Variants in PCDH15 observed in about 807,000 individuals in gnomAD.
PCDH15 encodes the protein protocadherin related 15, also known as protocadherin-15.
In PCDH15, 129 loss-of-function variants were observed where a neutral mutation model predicts 178.5. The observed-to-expected ratio is 0.72, with a 90% CI of 0.63 to 0.84. The LOEUF (loss-of-function observed/expected upper bound fraction) is 0.84. PCDH15 is among the 40% of genes least tolerant of loss of function. The probability of loss-of-function intolerance (pLI) is 0.00; values close to 1 mark genes in which losing one functional copy is unlikely to be tolerated. For missense variants in PCDH15, 2,230 were observed against 2,099.9 expected (o/e 1.06, Z -1.21); for synonymous variants, 800 against 732.0 (o/e 1.09, Z -1.50).
chr10:54,372,055 T>TA (rs1947755381), intron 4 of PCDH15, among the ~76,000 whole-genome samples: 1 of 151,892 alleles, frequency 6.6e-6, no homozygotes, highest in Non-Finnish European at 1.5e-5. Context: ...AAGTGTGTAA[T>TA]AGACCTTTTA....
At chr10:54,333,605 T>G (rs1588880555) in intron 6 of PCDH15, among the ~76,000 whole-genome samples, 1 of 150,038 alleles carries the variant, frequency 6.7e-6, no homozygotes, top group Non-Finnish European at 1.5e-5. Context: ...AAAAAGTAGA[T>G]TTTTTAATAA....
intron 25 of PCDH15, among the ~76,000 whole-genome samples, chr10:53,912,194 A>C (rs1417182249): frequency 6.6e-6 from 1 of 152,150 alleles, no homozygotes; most frequent in Non-Finnish European, 1.5e-5. Context: ...AACAACAAAA[A>C]CCACATGATT....
intron 2 of PCDH15, among the ~76,000 whole-genome samples, chr10:54,615,072 A>G (rs1159621052): frequency 6.6e-6 from 1 of 152,054 alleles, no homozygotes; most frequent in African/African-American, 2.4e-5. Context: ...CTAAATGTTC[A>G]TCATACTTTC....
chr10:55,231,268 G>T (rs1053826064), intron 1 of PCDH15, among the ~76,000 whole-genome samples: 1 of 151,934 alleles, frequency 6.6e-6, no homozygotes, highest in African/African-American at 2.4e-5. Flanking sequence ...AAATTGCTAA[G>T]AAATCTGGAG....
At chr10:54,938,865 T>A (rs1271086926) in intron 2 of PCDH15, among the ~76,000 whole-genome samples, 1 of 152,130 alleles carries the variant, frequency 6.6e-6, no homozygotes, top group African/African-American at 2.4e-5. Flanking sequence ...AAACGTAAAG[T>A]TTCTGGCTTT....
At chr10:54,386,268 A>G (rs897577702) in intron 3 of PCDH15, among the ~76,000 whole-genome samples, 10 of 151,608 alleles carry the variant, frequency 6.6e-5, no homozygotes, top group African/African-American at 2.2e-4. Flanking sequence ...TGAGTTACAA[A>G]AAAAAAAAAA....
At chr10:54,639,706 T>C (rs1330367966) in intron 2 of PCDH15, among the ~76,000 whole-genome samples, 1 of 152,062 alleles carries the variant, frequency 6.6e-6, no homozygotes, top group Non-Finnish European at 1.5e-5. Flanking sequence ...TGGTAACATA[T>C]ACTGTAAAAT....
At chr10:54,948,792 T>A (rs1838256182) in intron 2 of PCDH15, among the ~76,000 whole-genome samples, 1 of 151,906 alleles carries the variant, frequency 6.6e-6, no homozygotes, top group Non-Finnish European at 1.5e-5. Context: ...GAACCTTAAC[T>A]AATACACTTA....
chr10:55,065,276 T>C (rs1438989775), intron 2 of PCDH15, among the ~76,000 whole-genome samples: 2 of 152,080 alleles, frequency 1.3e-5, no homozygotes, highest in Non-Finnish European at 2.9e-5. Flanking sequence ...TCTAGCACAA[T>C]GTCCTAATCT....
In PCDH15 at chr10:55,262,095, G is replaced by A. The variant is rs72803824; in HGVS notation, c.-156+57504C>T. 1.3e-4 allele frequency among the ~76,000 whole-genome samples: 16 copies of A among 124,288 alleles called. No individual in the cohort carries two copies. In the South Asian group the frequency reaches 1.6e-3, roughly 12 times the overall value. 81.5% of individuals were successfully genotyped at this position (124,288 alleles called of 152,430 possible). A position where few individuals can be genotyped will look rare whatever the true frequency, so the allele number is the denominator to read the frequency against. On this transcript the variant is annotated intron_variant, in intron 1 of 5. Transcript: ENST00000458638. Reference sequence around the variant, plus strand: ...GATAAAGGAAAGGAAAGGAGGAGAGGAGAGAAGAGAAGAGAAATAAAAAAG... The same window carrying A: ...GATAAAGGAAAGGAAAGGAGGAGAGAAGAGAAGAGAAGAGAAATAAAAAAG...
chr10:53,862,858 G>A (rs1229402215), intron 27 of PCDH15, among the ~76,000 whole-genome samples: 1 of 152,166 alleles, frequency 6.6e-6, no homozygotes, highest in South Asian at 2.1e-4. Flanking sequence ...TAATGAAAAG[G>A]TGTTTAGGAC....
intron 1 of PCDH15, among the ~76,000 whole-genome samples, chr10:55,263,059 G>A (rs1168217270): frequency 6.6e-6 from 1 of 152,064 alleles, no homozygotes; most frequent in Non-Finnish European, 1.5e-5. Flanking sequence ...TGGGGATGAG[G>A]CAACTTTTCC....
intron 2 of PCDH15, among the ~76,000 whole-genome samples, chr10:55,481,584 A>G (rs1181320475): frequency 6.6e-6 from 1 of 151,680 alleles, no homozygotes; most frequent in Non-Finnish European, 1.5e-5. Flanking sequence ...CCTGCATTTC[A>G]TTATTTACTC....
Position 53,823,435 on chromosome 10 carries a change from C to T in PCDH15, c.4368-3205G>A, listed in dbSNP as rs776152870. On this transcript the variant is annotated intron_variant, in intron 32 of 37. Coordinates refer to ENST00000644397, the MANE Select transcript of PCDH15 (RefSeq NM_001384140.1). ...TTTCATGAGAAAGATGTTTTTATGG[C>T]TCTCATTACTATTAAATACTTAAAA... 51 of 1,302,838 alleles carry T rather than the reference C, an allele frequency of 3.9e-5. No individual in the cohort carries two copies. Among genetic ancestry groups the T allele is most frequent in the East Asian group, 2.5e-4 (11 of 43,380 alleles). The allele number at this position is 1,302,838 out of a possible 1,614,324, so 80.7% of individuals were successfully genotyped here.
chr10:54,761,039 A>G (rs1421566839), intron 1 of PCDH15, among the ~76,000 whole-genome samples: 1 of 152,106 alleles, frequency 6.6e-6, no homozygotes, highest in East Asian at 1.9e-4. Flanking sequence ...AGAAAGACCA[A>G]CTAGATTCTG....
intron 2 of PCDH15, among the ~76,000 whole-genome samples, chr10:55,622,485 TC>T (rs1837427572): frequency 6.6e-6 from 1 of 152,054 alleles, no homozygotes; most frequent in Non-Finnish European, 1.5e-5. Flanking sequence ...AATGATTTGT[TC>T]ATCTTCAAAA....
chr10:55,137,536 GT>G (rs10532707), intron 2 of PCDH15, among the ~76,000 whole-genome samples: 55,495 of 149,926 alleles, frequency 0.37, 10,556 homozygotes, highest in African/African-American at 0.43. Flanking sequence ...ACAGATTCGG[GT>G]TTTTTTTTTT....
chr10:55,148,442 C>T (rs1390858678), intron 2 of PCDH15, among the ~76,000 whole-genome samples: 2 of 151,704 alleles, frequency 1.3e-5, no homozygotes, highest in Non-Finnish European at 2.9e-5. Flanking sequence ...CTATGGGATT[C>T]GTCCATTACT....
In PCDH15 at chr10:54,357,147, G is replaced by C. The variant is rs541525480; in HGVS notation, c.475-10663C>G. Among the ~76,000 whole-genome samples the C allele has an allele frequency of 7.0e-4, 106 of 152,218 alleles. 1 individual carries two copies. Among genetic ancestry groups the C allele is most frequent in the South Asian group, 3.7e-3 (18 of 4,824 alleles). The stretch of plus-strand genomic sequence containing the variant: ...ACCACTCCTATTCAACATAGTGTTG[G>C]AAGTTCTGGCCAGGGCAGTTAGGCA... On this transcript the variant is annotated intron_variant, in intron 5 of 37. Coordinates refer to ENST00000644397, the MANE Select transcript of PCDH15 (RefSeq NM_001384140.1).
Sources: allele counts gnomAD v4.1 joint callset (sites outside exome capture counted in the v4.1 genomes callset), GRCh38; gene constraint gnomAD v4.1.1; transcripts MANE v1.5; gene names NCBI Gene and HGNC (gene_info 2026-07-23, HGNC 2026-07-21).